Variants in TPGS2 observed in about 807,000 individuals in gnomAD.
TPGS2 encodes polyglutamylase subunit 2.
A neutral mutation model predicts 31.1 loss-of-function variants in TPGS2; 26 were observed. The ratio of observed to expected loss-of-function variants is 0.84; its 90% CI spans 0.61 to 1.16. The LOEUF (loss-of-function observed/expected upper bound fraction) is 1.16, where lower values mean the gene tolerates loss of function less well. Ranked by LOEUF, TPGS2 falls within the 50% of genes most tolerant of loss-of-function variation. The pLI, the probability that TPGS2 is intolerant of heterozygous loss-of-function variation, is 0.00. For missense variants in TPGS2, 351 were observed against 363.8 expected (o/e 0.96, Z 0.29); for synonymous variants, 130 against 136.6 (o/e 0.95, Z 0.34).
downstream of TPGS2, among the ~76,000 whole-genome samples, chr18:36,793,582 A>T (rs529525953): frequency 6.6e-6 from 1 of 152,282 alleles, no homozygotes; most frequent in Non-Finnish European, 1.5e-5. Flanking sequence ...AAATACTAAG[A>T]AGTGAAACAG....
chr18:36,792,237 C>T (rs1369863178), downstream of TPGS2, among the ~76,000 whole-genome samples: 1 of 152,072 alleles, frequency 6.6e-6, no homozygotes, highest in Non-Finnish European at 1.5e-5. Flanking sequence ...AAACATAAAG[C>T]AGTGTAGTGT....
chr18:36,801,493 C>T (rs565741135), intron 4 of TPGS2, among the ~76,000 whole-genome samples: 1 of 151,962 alleles, frequency 6.6e-6, no homozygotes, highest in Non-Finnish European at 1.5e-5. Context: ...GCCACCATAC[C>T]CAGGTAATTT....
rs144066745 is a variant in TPGS2 at position 36,822,079 on chromosome 18, C to T, written c.86-3106G>A. Among the ~76,000 whole-genome samples, 13 of 152,266 alleles carry T rather than the reference C, an allele frequency of 8.5e-5. 1 individual carries two copies. Among genetic ancestry groups the T allele is most frequent in the South Asian group, 2.1e-4 (1 of 4,828 alleles). ...AGAGGGCTGGAAGTTGTAGTGGTGG[C>T]GGCAGCAGCAAAAGCAGTAACAATT... On this transcript the variant is annotated intron_variant, in intron 1 of 6. Transcript: ENST00000334295.
downstream of TPGS2, among the ~76,000 whole-genome samples, chr18:36,792,381 G>A (rs1337500146): frequency 6.6e-6 from 1 of 152,140 alleles, no homozygotes; most frequent in Admixed American, 6.5e-5. Flanking sequence ...GATTCATTAT[G>A]CTCTTCTATC....
At chr18:36,804,957 A>G (rs2045039078) in intron 4 of TPGS2, among the ~76,000 whole-genome samples, 1 of 152,210 alleles carries the variant, frequency 6.6e-6, no homozygotes, top group African/African-American at 2.4e-5. Flanking sequence ...GTGCAGCACA[A>G]TGCCAGAGGG....
At chr18:36,797,099 C>T (rs776789736) in intron 6 of TPGS2, 49 bp from the exon 7 acceptor site, 8 of 1,590,538 alleles carry the variant, frequency 5.0e-6, no homozygotes, top group Non-Finnish European at 2.6e-6. Flanking sequence ...GGAAAAATGC[C>T]ATTCTGTGTG....
intron 5 of TPGS2, 52 bp downstream of exon 5, chr18:36,800,146 T>C: frequency 6.5e-7 from 1 of 1,529,722 alleles, no homozygotes; most frequent in Non-Finnish European, 9.0e-7. Flanking sequence ...ACAAGCAAGG[T>C]CAGGCAAGAC....
intron 6 of TPGS2, among the ~76,000 whole-genome samples, chr18:36,787,925 A>G (rs1436952478): frequency 1.3e-5 from 2 of 152,340 alleles, no homozygotes; most frequent in Non-Finnish European, 1.5e-5. Flanking sequence ...CTTTGGAAGA[A>G]AAAATTGCCT....
Position 36,797,001 on chromosome 18 carries a change from G to A in TPGS2, c.707C>T (p.Thr236Ile), listed in dbSNP as rs780004537. 1.1e-5 allele frequency: 18 copies of A among 1,601,474 alleles called. No homozygotes were observed. The highest frequency in any genetic ancestry group is 1.5e-5 in the Non-Finnish European group (18 of 1,176,604). ...KPITYNTNLL[T>I]EETDSFVNKL... is the part of the protein sequence containing the mutation. ...ATTCACAAAGGAGTCGGTCTCTTCT[G>A]TGAGCAGGTTTGTGTTGTAGGTGAT... is the stretch of plus-strand genomic sequence containing the variant. Residue 236 changes from threonine to isoleucine, a missense_variant, in exon 7 of 7, where the codon ACA becomes ATA. Coordinates refer to ENST00000334295, the MANE Select transcript of TPGS2 (RefSeq NM_015476.4).
rs552057545 is a variant in TPGS2, at chr18:36,795,098, A to G, written c.*1707T>C. ...CCTGATCCTTGAAGGCTAACTCTTC[A>G]CCTTGGTTTTCCTCAGGGGCTATGG... is the stretch of plus-strand genomic sequence containing the variant. On this transcript the variant is annotated 3_prime_UTR_variant, in exon 7 of 7. Coordinates refer to ENST00000334295, the MANE Select transcript of TPGS2 (RefSeq NM_015476.4). The G allele has an allele frequency of 1.0e-6, 1 of 985,438 alleles. No individual in the cohort carries two copies. The highest frequency in any genetic ancestry group is 1.2e-6 in the Non-Finnish European group (1 of 829,934). 61.0% of individuals were successfully genotyped at this position (985,438 alleles called of 1,614,324 possible). A position where few individuals can be genotyped will look rare whatever the true frequency, so the allele number is the denominator to read the frequency against.
At chr18:36,819,032 G>T in intron 1 of TPGS2, 59 bp from the exon 2 acceptor site, 3 of 1,388,988 alleles carry the variant, frequency 2.2e-6, no homozygotes, top group South Asian at 1.2e-5. Context: ...ACATTTCTAC[G>T]CTAGTTGTTG....
At chr18:36,786,779 C>G in intron 6 of TPGS2, 1 of 1,232,190 alleles carries the variant, frequency 8.1e-7, no homozygotes, top group Non-Finnish European at 1.0e-6. Context: ...CCTTGGCCAG[C>G]AGAGAGTCTG....
chr18:36,814,682 T>C (rs78469079), intron 2 of TPGS2, among the ~76,000 whole-genome samples: 443 of 152,296 alleles, frequency 2.9e-3, no homozygotes, highest in African/African-American at 0.01. Flanking sequence ...TCAAAATGCT[T>C]CCATATCCTT....
At chr18:36,780,313 C>T, downstream of TPGS2, 1 of 725,342 alleles carries the variant, frequency 1.4e-6, no homozygotes, top group South Asian at 7.3e-5. Context: ...ATCACCTTAC[C>T]TGTGTGGTTT....
In TPGS2 at chr18:36,805,401, C is replaced by A; in HGVS notation, c.355G>T (p.Ala119Ser). The change falls in exon 4 of 7, where the codon GCA becomes TCA. Residue 119 changes from alanine to serine, a missense_variant. By Grantham distance (99) the Ala-to-Ser change is moderately conservative. Transcript: ENST00000334295. ...TCATGTGTATCGTCCTCCAGGTCTG[C>A]CAGAGTGGGTGCATTAGGAAGTGAA... The part of the protein sequence containing the change: ...MYSLPNAPTL[A>S]DLEDDTHEAS... The A allele has an allele frequency of 6.2e-7, 1 of 1,613,872 alleles. No homozygotes were observed. The highest frequency in any genetic ancestry group is 8.5e-7 in the Non-Finnish European group (1 of 1,179,848).
chr18:36,807,504 C>A (rs990202003), intron 3 of TPGS2: 9 of 274,682 alleles, frequency 3.3e-5, no homozygotes, highest in African/African-American at 6.7e-5. Context: ...TGCCGCCTAC[C>A]CTGAGGGGTT....
chr18:36,791,795 G>A (rs930754765), downstream of TPGS2, among the ~76,000 whole-genome samples: 3 of 152,102 alleles, frequency 2.0e-5, no homozygotes, highest in African/African-American at 7.2e-5. Flanking sequence ...ACTTTGGGAG[G>A]CTGAGGTGGG....
At chr18:36,790,347 A>G (rs1238446867), downstream of TPGS2, among the ~76,000 whole-genome samples, 1 of 152,222 alleles carries the variant, frequency 6.6e-6, no homozygotes, top group African/African-American at 2.4e-5. Context: ...TCCTGTTCAC[A>G]GAAGATTTTA....
chr18:36,787,494 T>G (rs1421902273), intron 6 of TPGS2, among the ~76,000 whole-genome samples: 1 of 152,226 alleles, frequency 6.6e-6, no homozygotes, highest in Non-Finnish European at 1.5e-5. Flanking sequence ...ACACTTGTCA[T>G]GTACCCAAGG....
Sources: gnomAD v4.1 joint callset for allele counts (sites outside exome capture counted in the v4.1 genomes callset) on GRCh38, gnomAD v4.1.1 for gene constraint, MANE v1.5 for transcripts, NCBI Gene and HGNC (gene_info 2026-07-23, HGNC 2026-07-21) for gene names.